ADAMTS17: variants seen among roughly 807,000 people sequenced by gnomAD.
ADAMTS17 encodes the protein ADAM metallopeptidase with thrombospondin type 1 motif 17.
A neutral mutation model predicts 141.5 loss-of-function variants in ADAMTS17; 113 were observed. The ratio of observed to expected loss-of-function variants is 0.80; its 90% CI spans 0.69 to 0.93. ADAMTS17 has a LOEUF of 0.93. ADAMTS17 is among the 40% of genes least tolerant of loss of function. The pLI is 0.00. For missense variants in ADAMTS17, 1,659 were observed against 1,517.9 expected (o/e 1.09, Z -1.54); for synonymous variants, 768 against 630.6 (o/e 1.22, Z -3.27).
chr15:100,230,983 G>A (rs1167113695), intron 7 of ADAMTS17, among the ~76,000 whole-genome samples: 1 of 152,204 alleles, frequency 6.6e-6, no homozygotes, highest in African/African-American at 2.4e-5. Context: ...TTGGAAGGCA[G>A]CCACCCTTTC....
At chr15:100,300,257 G>C (rs533873109) in intron 3 of ADAMTS17, among the ~76,000 whole-genome samples, 1 of 152,120 alleles carries the variant, frequency 6.6e-6, no homozygotes, top group Non-Finnish European at 1.5e-5. Flanking sequence ...CACCACAAGA[G>C]AGAGTGCTCA....
chr15:100,002,890 C>A (rs2060958401), intron 18 of ADAMTS17, among the ~76,000 whole-genome samples: 1 of 152,052 alleles, frequency 6.6e-6, no homozygotes, highest in Non-Finnish European at 1.5e-5. Context: ...CTTGTCACAG[C>A]CCAGAGCCTC....
intron 10 of ADAMTS17, among the ~76,000 whole-genome samples, chr15:100,147,571 G>A (rs138874212): frequency 6.0e-4 from 92 of 152,100 alleles, no homozygotes; most frequent in African/African-American, 1.9e-3. Flanking sequence ...ATAAAAATAC[G>A]GTATAAAAGG....
At chr15:100,188,486 T>G (rs1369973836) in intron 8 of ADAMTS17, among the ~76,000 whole-genome samples, 1 of 152,148 alleles carries the variant, frequency 6.6e-6, no homozygotes, top group Non-Finnish European at 1.5e-5. Flanking sequence ...TTCTGACAGT[T>G]TTGCGGCTTC....
intron 7 of ADAMTS17, among the ~76,000 whole-genome samples, chr15:100,244,007 G>C (rs73480025): frequency 0.024 from 3,644 of 152,086 alleles, 152 homozygotes; most frequent in African/African-American, 0.084. Context: ...CCAGAGTCTG[G>C]GTATAAAGGA....
At chr15:100,016,866 C>T (rs1567679355) in intron 18 of ADAMTS17, among the ~76,000 whole-genome samples, 1 of 152,192 alleles carries the variant, frequency 6.6e-6, no homozygotes, top group South Asian at 2.1e-4. Flanking sequence ...TGATGCTTTC[C>T]AGAGAGCACC....
At chr15:100,122,427 C>T (rs568926402) in intron 12 of ADAMTS17, among the ~76,000 whole-genome samples, 1 of 152,290 alleles carries the variant, frequency 6.6e-6, no homozygotes, top group Admixed American at 6.5e-5. Context: ...CAGGACCCCA[C>T]ATGTGGTCCT....
chr15:99,977,401 A>ATTT (rs71151928), intron 20 of ADAMTS17, among the ~76,000 whole-genome samples: 6 of 5,154 alleles, frequency 1.2e-3, no homozygotes, highest in Admixed American at 3.4e-3. Context: ...TATATATATA[A>ATTT]TTTTTTTTTT....
chr15:100,063,756 TAACCTGTAGCAACA>T, intron 15 of ADAMTS17: 2 of 1,290,066 alleles, frequency 1.6e-6, no homozygotes, highest in Non-Finnish European at 2.0e-6. Flanking sequence ...AGCTTCGATA[TAACCTGTAGCAACA>T]AACGACACAG....
At chr15:100,210,343 T>C (rs1210931754) in intron 7 of ADAMTS17, among the ~76,000 whole-genome samples, 1 of 151,528 alleles carries the variant, frequency 6.6e-6, no homozygotes, top group Non-Finnish European at 1.5e-5. Context: ...TTACTATGTG[T>C]GTACCAGGTC....
chr15:100,142,645 T>C (rs2038713087), intron 10 of ADAMTS17, among the ~76,000 whole-genome samples: 1 of 152,192 alleles, frequency 6.6e-6, no homozygotes, highest in Non-Finnish European at 1.5e-5. Context: ...ATAGTGAGAC[T>C]AGGCAACCTG....
At chr15:100,240,269 C>T (rs1345240870) in intron 7 of ADAMTS17, among the ~76,000 whole-genome samples, 1 of 152,184 alleles carries the variant, frequency 6.6e-6, no homozygotes, top group Admixed American at 6.5e-5. Flanking sequence ...GCCTAAGTGA[C>T]TCCTGTTCTC....
chr15:100,302,278 G>T (rs1358381152), intron 3 of ADAMTS17, among the ~76,000 whole-genome samples: 5 of 152,098 alleles, frequency 3.3e-5, no homozygotes, highest in Non-Finnish European at 1.5e-5. Context: ...AAATTCTATT[G>T]TATGACTATA....
rs1407137763 is a variant in ADAMTS17 at position 100,058,268 on chromosome 15, C to T, written c.2138-4214G>A. Among the ~76,000 whole-genome samples the T allele has an allele frequency of 5.6e-5, 6 of 107,640 alleles. 2 individuals carry two copies. The highest frequency in any genetic ancestry group is 2.0e-4 in the African/African-American group (4 of 20,398). 70.6% of individuals were successfully genotyped at this position (107,640 alleles called of 152,430 possible). ...GACCCTCCTATCCCGGCTCTGACAC[C>T]CCTATCCCGGCTCTAACCCTCCTAT... On this transcript the variant is annotated intron_variant, in intron 15 of 21. Coordinates refer to ENST00000268070, the MANE Select transcript of ADAMTS17 (RefSeq NM_139057.4).
chr15:100,115,182 C>T (rs549704895), intron 13 of ADAMTS17, among the ~76,000 whole-genome samples: 47 of 152,328 alleles, frequency 3.1e-4, no homozygotes, highest in Non-Finnish European at 5.1e-4. Context: ...GCAGCTCTCT[C>T]GCTTCCAATT....
rs542789474 is a variant in ADAMTS17 at position 100,070,196 on chromosome 15, A to C, written c.2138-16142T>G. Among the ~76,000 whole-genome samples, 429 of 150,130 alleles carry C rather than the reference A, an allele frequency of 2.9e-3. 29 individuals carry two copies. Among genetic ancestry groups the C allele is most frequent in the Admixed American group, 0.025 (371 of 14,972 alleles). ...CAATTCAACAAGAAGAGCTAACTAT[A>C]CTAAATATATATGCACCCAATACAG... On this transcript the variant is annotated intron_variant, in intron 15 of 21. Transcript: ENST00000268070.
rs76226958 is a variant in ADAMTS17, at chr15:100,187,855, A to T, written c.1181+11463T>A. On this transcript the variant is annotated intron_variant, in intron 8 of 21. Coordinates refer to ENST00000268070, the MANE Select transcript of ADAMTS17 (RefSeq NM_139057.4). The stretch of plus-strand genomic sequence containing the variant: ...AAAATAAAAACTGAATGGGAGACCA[A>T]AAAAAGGCAAGAGAGCAAAGTCAGC... 6.2e-3 allele frequency among the ~76,000 whole-genome samples: 948 copies of T among 152,318 alleles called. 12 individuals carry two copies. The highest frequency in any genetic ancestry group is 0.021 in the African/African-American group (885 of 41,564).
chr15:100,235,380 C>T (rs553315074), intron 7 of ADAMTS17, among the ~76,000 whole-genome samples: 2 of 152,288 alleles, frequency 1.3e-5, no homozygotes, highest in African/African-American at 2.4e-5. Flanking sequence ...CACTGACCTC[C>T]CCGACCACCC....
At chr15:99,994,075 A>C (rs2060746323) in intron 19 of ADAMTS17, among the ~76,000 whole-genome samples, 1 of 152,140 alleles carries the variant, frequency 6.6e-6, no homozygotes, top group Admixed American at 6.5e-5. Context: ...GGCTGGCAGG[A>C]GAACTTACCA....
Sources: allele counts gnomAD v4.1 joint callset (sites outside exome capture counted in the v4.1 genomes callset), GRCh38; gene constraint gnomAD v4.1.1; transcripts MANE v1.5; gene names NCBI Gene and HGNC (gene_info 2026-07-23, HGNC 2026-07-21).